Variants in ZCCHC8 observed in about 807,000 individuals in gnomAD.
ZCCHC8 encodes zinc finger CCHC domain-containing protein 8.
In ZCCHC8, 27 loss-of-function variants were observed where a neutral mutation model predicts 70.6. The observed-to-expected ratio is 0.38, with a 90% confidence interval of 0.28 to 0.53. The LOEUF is 0.53. Among genes scored for constraint, ZCCHC8 ranks in the 20% least tolerant of loss-of-function variants. The probability of loss-of-function intolerance (pLI) is 0.81; values close to 1 mark genes in which losing one functional copy is unlikely to be tolerated. For synonymous variants in ZCCHC8, 293 were observed against 317.4 expected, an observed-to-expected ratio of 0.92 and a Z score of 0.82; for missense variants, 737 against 876.9, an observed-to-expected ratio of 0.84 and a Z score of 2.01.
intron 9 of ZCCHC8, 22 bp downstream of exon 9, chr12:122,481,923 T>C (rs1212754380): frequency 1.2e-6 from 2 of 1,605,174 alleles, no homozygotes; most frequent in African/African-American, 1.3e-5. Flanking sequence ...AATGACCTTC[T>C]ATGGTAAAAT....
intron 10 of ZCCHC8, 162 bp from the exon 11 acceptor site, chr12:122,480,473 C>CTTTTTT: frequency 3.0e-6 from 1 of 331,954 alleles, no homozygotes; most frequent in Non-Finnish European, 5.1e-6. Context: ...TAGGACAGAA[C>CTTTTTT]TTTTTTTTTT....
In ZCCHC8 at chr12:122,483,659, T is replaced by C; in HGVS notation, c.502-96A>G. The C allele has an allele frequency of 2.0e-6, 2 of 1,012,340 alleles. No individual in the cohort carries two copies. The highest frequency in any genetic ancestry group is 2.9e-6 in the Non-Finnish European group (2 of 687,600). 62.7% of individuals were successfully genotyped at this position (1,012,340 alleles called of 1,614,324 possible). The stretch of plus-strand genomic sequence containing the variant: ...ATTAACTGTTTTAACAATTTATTTT[T>C]GGATGGAATTATTAGAAATAATAAC... On this transcript the variant is annotated intron_variant, in intron 5 of 13. Coordinates refer to ENST00000633063, the MANE Select transcript of ZCCHC8 (RefSeq NM_017612.5). The surrounding 1 kb of genome is among the most constrained non-coding windows in gnomAD (Gnocchi z 4.4).
rs1316294437 is a variant in ZCCHC8 at position 122,473,897 on chromosome 12, T to G, written c.1724A>C (p.Lys575Thr). The change falls in exon 14 of 14, where the codon AAG becomes ACG. Residue 575 changes from lysine to threonine, a missense_variant. Transcript: ENST00000633063. Reference sequence around the variant, plus strand: ...TACCTCAGGCTCATCCAGCGTCTGCTTTTCAGATGTTTTTCCCTCCGGGAC... The same window carrying G: ...TACCTCAGGCTCATCCAGCGTCTGCGTTTCAGATGTTTTTCCCTCCGGGAC... ...LPVPEGKTSE[K>T]QTLDEPEVPE... The G allele has an allele frequency of 6.2e-7, 1 of 1,613,932 alleles. No individual in the cohort carries two copies. Among genetic ancestry groups the G allele is most frequent in the Non-Finnish European group, 8.5e-7 (1 of 1,179,896 alleles).
chr12:122,476,305 A>C (rs918671367), intron 13 of ZCCHC8, among the ~76,000 whole-genome samples: 2 of 152,238 alleles, frequency 1.3e-5, no homozygotes, highest in African/African-American at 4.8e-5. Flanking sequence ...ACTCTCACTT[A>C]GAAGTCAACT....
intron 10 of ZCCHC8, 57 bp downstream of exon 10, chr12:122,481,465 T>C (rs1057245773): frequency 4.0e-5 from 57 of 1,433,502 alleles, no homozygotes; most frequent in Admixed American, 7.6e-5. Context: ...TGTGATTCTT[T>C]AATTAAAAAA....
rs1303535875 is a variant in ZCCHC8, at chr12:122,473,508, C to A, written c.2113G>T (p.Ala705Ser). 6.2e-7 allele frequency: 1 copy of A among 1,613,280 alleles called. No individual in the cohort carries two copies. The highest frequency in any genetic ancestry group is 8.5e-7 in the Non-Finnish European group (1 of 1,179,578). The change falls in exon 14 of 14, where the codon GCC becomes TCC. Residue 705 changes from alanine (A) to serine (S), a missense_variant. By Grantham distance (99) the Ala-to-Ser change is moderately conservative. Coordinates refer to ENST00000633063, the MANE Select transcript of ZCCHC8 (RefSeq NM_017612.5). ...SPRNQQKNKK[A>S]SE ...GCTAAGTCAAGCCATTATTCAGAGG[C>A]CTTTTTGTTTTTCTGCTGGTTTCGG...
intron 11 of ZCCHC8, 77 bp downstream of exon 11, chr12:122,480,113 A>G: frequency 7.3e-7 from 1 of 1,367,032 alleles, no homozygotes; most frequent in South Asian, 1.3e-5. Context: ...TGCCTAGCCA[A>G]CAAGTTAATA....
chr12:122,497,435 G>C (rs899614354), intron 2 of ZCCHC8, among the ~76,000 whole-genome samples: 4 of 151,658 alleles, frequency 2.6e-5, no homozygotes, highest in African/African-American at 9.7e-5. Context: ...CCAGCTATTC[G>C]GGAGGCTGAG....
chr12:122,492,656 T>C (rs1957767850), intron 3 of ZCCHC8, 59 bp downstream of exon 3: 1 of 1,087,286 alleles, frequency 9.2e-7, no homozygotes, highest in East Asian at 2.6e-5. Flanking sequence ...AGCATATTTA[T>C]AGAGAAAATT....
chr12:122,481,383 C>G lies in ZCCHC8; in HGVS notation c.1018+139G>C, dbSNP rs928427462. 7 of 1,147,796 alleles carry G rather than the reference C, an allele frequency of 6.1e-6. No individual in the cohort carries two copies. In the South Asian group the frequency reaches 9.1e-5, roughly 15 times the overall value. The allele number at this position is 1,147,796 out of a possible 1,614,324, so 71.1% of individuals were successfully genotyped here. ...TTTATTCCTTCCTTGTAAAATTTAC[C>G]AAGGAAACATCATCATGATATTTTT... On this transcript the variant is annotated intron_variant, in intron 10 of 13. Coordinates refer to ENST00000633063, the MANE Select transcript of ZCCHC8 (RefSeq NM_017612.5).
intron 1 of ZCCHC8, chr12:122,499,636 G>A (rs1436066014): frequency 6.6e-6 from 1 of 152,122 alleles, no homozygotes; most frequent in African/African-American, 2.4e-5. Flanking sequence ...ACAATGTGGA[G>A]GAAGACGACA....
intron 5 of ZCCHC8, among the ~76,000 whole-genome samples, chr12:122,487,280 A>C (rs1957659521): frequency 6.6e-6 from 1 of 152,224 alleles, no homozygotes; most frequent in Non-Finnish European, 1.5e-5. Context: ...GTCTCCCTGG[A>C]ACCTAGAAGG....
chr12:122,474,271 C>T lies in ZCCHC8; in HGVS notation c.1350G>A (p.Met450Ile). 1 of 1,399,768 alleles carries T rather than the reference C, an allele frequency of 7.1e-7. No individual in the cohort carries two copies. Among genetic ancestry groups the T allele is most frequent in the Non-Finnish European group, 9.3e-7 (1 of 1,072,456 alleles). The allele number at this position is 1,399,768 out of a possible 1,614,324, so 86.7% of individuals were successfully genotyped here. A position where few individuals can be genotyped will look rare whatever the true frequency, so the allele number is the denominator to read the frequency against. ...TGCTCTGAGAACCATGTGGTACCTCCATATCTGAAGTAAGAAAGTTAAGAG... is the reference window on the plus strand; with the variant it reads ...TGCTCTGAGAACCATGTGGTACCTCTATATCTGAAGTAAGAAAGTTAAGAG... ...SPADMELDSD[M>I]EVPHGSQSSE... The change falls in exon 14 of 14, where the codon ATG becomes ATA. Residue 450 changes from methionine (M) to isoleucine (I), a missense_variant. Coordinates refer to ENST00000633063, the MANE Select transcript of ZCCHC8 (RefSeq NM_017612.5).
chr12:122,484,910 G>C (rs1313625207), intron 5 of ZCCHC8, among the ~76,000 whole-genome samples: 4 of 152,074 alleles, frequency 2.6e-5, no homozygotes, highest in Non-Finnish European at 1.5e-5. Flanking sequence ...TTGTCTTCTA[G>C]GACATGCTTC....
rs1957570164 is a variant in ZCCHC8, at chr12:122,483,226, T to C, written c.671+53A>G. The C allele has an allele frequency of 9.3e-6, 14 of 1,500,508 alleles. No individual in the cohort carries two copies. Among genetic ancestry groups the C allele is most frequent in the Middle Eastern group, 2.0e-4 (1 of 4,930 alleles). The allele number at this position is 1,500,508 out of a possible 1,614,324, so 92.9% of individuals were successfully genotyped here. On this transcript the variant is annotated intron_variant, in intron 7 of 13. Coordinates refer to ENST00000633063, the MANE Select transcript of ZCCHC8 (RefSeq NM_017612.5). The surrounding 1 kb of genome is among the most constrained non-coding windows in gnomAD (Gnocchi z 4.4). ...ATGAACTTTTCAAGCCAAAAGTTTA[T>C]GATTTTGGTTAAAAAAGTAAATAAG...
chr12:122,493,859 C>T (rs551971563), intron 2 of ZCCHC8, among the ~76,000 whole-genome samples: 55 of 152,028 alleles, frequency 3.6e-4, no homozygotes, highest in African/African-American at 1.3e-3. Flanking sequence ...GTGATCTGCC[C>T]GCCTCGGCCT....
At position 122,500,430 on chromosome 12, in the gene ZCCHC8, C is replaced by T; in HGVS notation, c.199+212G>A. ...GTGGGTCTGGTCAGGAGACGGCCTC[C>T]CTGAGGGGAAGAGGTCTGCGCCGAG... On this transcript the variant is annotated intron_variant, in intron 1 of 13. Transcript: ENST00000633063. This position sits in a 1 kb window ranked among gnomAD's most constrained non-coding sequence, Gnocchi z 4.8. 1 of 643,694 alleles carries T rather than the reference C, an allele frequency of 1.6e-6. No individual in the cohort carries two copies. Among genetic ancestry groups the T allele is most frequent in the East Asian group, 2.9e-5 (1 of 34,902 alleles). 39.9% of individuals were successfully genotyped at this position (643,694 alleles called of 1,614,324 possible).
chr12:122,487,736 C>T (rs1385603105), intron 5 of ZCCHC8, among the ~76,000 whole-genome samples: 2 of 152,130 alleles, frequency 1.3e-5, no homozygotes, highest in African/African-American at 4.8e-5. Flanking sequence ...CAACCTTTAT[C>T]CTATTTGTAG....
Position 122,478,409 on chromosome 12 carries a change from T to C in ZCCHC8, c.1141-117A>G, listed in dbSNP as rs528692131. 3.6e-4 allele frequency: 254 copies of C among 703,816 alleles called. 2 individuals carry two copies. The East Asian group carries it at 6.6e-3, about 18-fold the overall frequency. 43.6% of individuals were successfully genotyped at this position (703,816 alleles called of 1,614,324 possible). On this transcript the variant is annotated intron_variant, in intron 11 of 13. Coordinates refer to ENST00000633063, the MANE Select transcript of ZCCHC8 (RefSeq NM_017612.5). ...TCAAATTACATTTTTCCTTCTTATGTTACTTTTCCTTTATTGGAAATTAAG... is the reference window on the plus strand; with the variant it reads ...TCAAATTACATTTTTCCTTCTTATGCTACTTTTCCTTTATTGGAAATTAAG...
Sources: gnomAD v4.1 joint callset for allele counts (sites outside exome capture counted in the v4.1 genomes callset) on GRCh38, gnomAD v4.1.1 for gene constraint, Gnocchi (gnomAD v3.1) non-coding constraint, MANE v1.5 for transcripts, NCBI Gene and HGNC (gene_info 2026-07-23, HGNC 2026-07-21) for gene names.